The following GDA variants were observed in gnomAD, a reference collection of about 807,000 sequenced individuals.
GDA encodes cytoplasmic PSD-95 interactor.
A neutral mutation model predicts 59.6 loss-of-function variants in GDA; 18 were observed. That is an observed-to-expected ratio of 0.30 (90% CI 0.21 to 0.45). The LOEUF (loss-of-function observed/expected upper bound fraction) is 0.45, where lower values mean the gene tolerates loss of function less well. GDA is among the 20% of genes least tolerant of loss of function. GDA has a pLI of 1.00. For synonymous variants in GDA, 201 were observed against 201.1 expected (o/e 1.00, Z 0.00); for missense variants, 427 against 552.3 (o/e 0.77, Z 2.27).
chr9:72,204,115 G>A (rs1020625021), intron 3 of GDA, among the ~76,000 whole-genome samples: 6 of 151,928 alleles, frequency 3.9e-5, no homozygotes, highest in African/African-American at 1.2e-4. Flanking sequence ...GCGCCCGGCC[G>A]AGCAAGTGCT....
Position 72,248,465 on chromosome 9 carries a change from G to T in GDA, c.*123G>T. 1 of 1,512,256 alleles carries T rather than the reference G, an allele frequency of 6.6e-7. No individual in the cohort carries two copies. The highest frequency in any genetic ancestry group is 8.9e-7 in the Non-Finnish European group (1 of 1,129,530). 93.7% of individuals were successfully genotyped at this position (1,512,256 alleles called of 1,614,324 possible). A position where few individuals can be genotyped will look rare whatever the true frequency, so the allele number is the denominator to read the frequency against. On this transcript the variant is annotated 3_prime_UTR_variant, in exon 14 of 14. Transcript: ENST00000358399. ...TCTTGGGATGACTATCCCTTTCTGT[G>T]TCTAGTTACAGTATTCACTTGACAA...
chr9:72,218,299 C>T (rs951334286), intron 5 of GDA, among the ~76,000 whole-genome samples: 1 of 152,188 alleles, frequency 6.6e-6, no homozygotes, highest in Non-Finnish European at 1.5e-5. Context: ...CAAACATATT[C>T]TGATGCAGGT....
intron 1 of GDA, among the ~76,000 whole-genome samples, chr9:72,189,084 C>T (rs1430317626): frequency 1.3e-5 from 2 of 150,454 alleles, no homozygotes; most frequent in African/African-American, 2.5e-5. Context: ...TTTGATTTCA[C>T]AGGCTCACAG....
intron 1 of GDA, among the ~76,000 whole-genome samples, chr9:72,180,615 C>T (rs1831073889): frequency 6.6e-6 from 1 of 152,108 alleles, no homozygotes; most frequent in Non-Finnish European, 1.5e-5. Flanking sequence ...AAATTATTTG[C>T]TTGTTTGATG....
At chr9:72,153,388 T>A (rs1246595229) in intron 1 of GDA, among the ~76,000 whole-genome samples, 1 of 152,066 alleles carries the variant, frequency 6.6e-6, no homozygotes, top group Non-Finnish European at 1.5e-5. Flanking sequence ...GGTGGGACTG[T>A]AAACTAGTTC....
chr9:72,213,729 G>C (rs1835708307), intron 4 of GDA, among the ~76,000 whole-genome samples, 157 bp from the exon 5 acceptor site: 1 of 151,914 alleles, frequency 6.6e-6, no homozygotes, highest in South Asian at 2.1e-4. Context: ...CATGAACCTG[G>C]GAGGCGGAGC....
chr9:72,127,628 C>T (rs1296520347), intron 1 of GDA, among the ~76,000 whole-genome samples: 2 of 129,894 alleles, frequency 1.5e-5, no homozygotes, highest in African/African-American at 2.9e-5. Context: ...CAGAGAGAGA[C>T]TCTGTCTCAA....
At chr9:72,125,649 A>G (rs1825820027) in intron 1 of GDA, among the ~76,000 whole-genome samples, 1 of 152,210 alleles carries the variant, frequency 6.6e-6, no homozygotes, top group Non-Finnish European at 1.5e-5. Context: ...ATATAGTGGT[A>G]TCAATATTTA....
chr9:72,128,014 A>G (rs895218571), intron 1 of GDA, among the ~76,000 whole-genome samples: 9 of 151,990 alleles, frequency 5.9e-5, no homozygotes, highest in East Asian at 1.9e-4. Flanking sequence ...TTAATCACCT[A>G]TTTTGCTTAG....
chr9:72,152,678 T>C (rs1827356685), intron 1 of GDA, among the ~76,000 whole-genome samples: 1 of 152,236 alleles, frequency 6.6e-6, no homozygotes, highest in South Asian at 2.1e-4. Flanking sequence ...TCATTGTGGA[T>C]TCTTGATATT....
chr9:72,194,728 G>T (rs11143160), intron 1 of GDA, among the ~76,000 whole-genome samples: 47,838 of 151,962 alleles, frequency 0.31, 7,882 homozygotes, highest in East Asian at 0.56. Context: ...ACCTAGACTG[G>T]CTTTTAAGTT....
chr9:72,231,437 C>T (rs180678793), intron 10 of GDA, among the ~76,000 whole-genome samples: 3 of 151,916 alleles, frequency 2.0e-5, no homozygotes, highest in Admixed American at 1.3e-4. Flanking sequence ...TGGCAGTGTG[C>T]GCCTGTAGTC....
intron 9 of GDA, chr9:72,228,386 G>C (rs1017069446): frequency 7.7e-6 from 2 of 260,998 alleles, no homozygotes; most frequent in Non-Finnish European, 1.5e-5. Context: ...TCCCATTACT[G>C]TTTGTGCTGT....
rs918815234 is a variant in GDA, at chr9:72,244,033, C to T, written c.1136-1115C>T. Among the ~76,000 whole-genome samples, 15 of 151,886 alleles carry T rather than the reference C, an allele frequency of 9.9e-5. No individual in the cohort carries two copies. The East Asian group carries it at 2.1e-3, about 21-fold the overall frequency. ...TACTAAAAATACACAAAAAATTAGC[C>T]GGGCGTGGTGGTGGGTGCCTGTAGT... On this transcript the variant is annotated intron_variant, in intron 11 of 13. Transcript: ENST00000358399.
intron 2 of GDA, among the ~76,000 whole-genome samples, chr9:72,198,921 G>C (rs1833587861): frequency 6.7e-6 from 1 of 149,688 alleles, no homozygotes; most frequent in South Asian, 2.1e-4. Context: ...TGGAATACCT[G>C]GGGGAAGTTG....
intron 1 of GDA, among the ~76,000 whole-genome samples, chr9:72,164,989 C>CAAAA (rs59456635): frequency 3.1e-4 from 40 of 130,790 alleles, no homozygotes; most frequent in African/African-American, 3.9e-4. Flanking sequence ...GACTCCATCT[C>CAAAA]AAAAAAAAAA....
At chr9:72,231,286 T>A (rs1054907892) in intron 10 of GDA, 105 bp downstream of exon 10, 95 of 616,802 alleles carry the variant, frequency 1.5e-4, no homozygotes, top group Non-Finnish European at 2.5e-4. Context: ...AAAAAAAAAA[T>A]TAGTTTTGGG....
intron 2 of GDA, among the ~76,000 whole-genome samples, chr9:72,196,745 C>G (rs372934852): frequency 6.7e-6 from 1 of 150,356 alleles, no homozygotes; most frequent in East Asian, 2.0e-4. Flanking sequence ...CTCCCCTTGC[C>G]CCCCACCCCC....
At chr9:72,252,340 T>C (rs1220818772), downstream of GDA, 1 of 152,328 alleles carries the variant, frequency 6.6e-6, no homozygotes, top group African/African-American at 2.4e-5. Context: ...AAAAATAGAA[T>C]AGAATACTCA....
Sources: gnomAD v4.1 joint callset for allele counts (sites outside exome capture counted in the v4.1 genomes callset) on GRCh38, gnomAD v4.1.1 for gene constraint, MANE v1.5 for transcripts, NCBI Gene and HGNC (gene_info 2026-07-23, HGNC 2026-07-21) for gene names.